Variants in GLIS3 observed in about 807,000 individuals in gnomAD.
GLIS3 encodes the protein zinc finger protein GLIS3.
GLIS3 carries 53 observed loss-of-function variants against 78.6 expected under a neutral mutation model. The observed-to-expected ratio is 0.67, with a 90% CI of 0.54 to 0.85. The LOEUF is 0.85. GLIS3 is among the 40% of genes least tolerant of loss of function. GLIS3 has a pLI of 0.00. For missense variants in GLIS3, 1,703 were observed against 1,231.1 expected (o/e 1.38, Z -5.74); for synonymous variants, 684 against 509.9 (o/e 1.34, Z -4.60).
intron 8 of GLIS3, among the ~76,000 whole-genome samples, chr9:3,860,150 C>G (rs895569438): frequency 2.6e-4 from 40 of 151,750 alleles, no homozygotes; most frequent in Admixed American, 2.6e-3. Context: ...TGGTGGGTGC[C>G]TGTAGTCACA....
At chr9:4,287,216 G>T (rs1205151469) in intron 1 of GLIS3, among the ~76,000 whole-genome samples, 2 of 152,274 alleles carry the variant, frequency 1.3e-5, no homozygotes, top group Middle Eastern at 3.4e-3. Context: ...TCCTAGAAAA[G>T]AGAAGGGCTG....
chr9:4,407,562 G>T, the GLIS3 span, among the ~76,000 whole-genome samples: 1 of 152,224 alleles, frequency 6.6e-6, no homozygotes, highest in Admixed American at 6.5e-5. Context: ...CAGGAGAATG[G>T]CGAGAACCCG....
intron 4 of GLIS3, among the ~76,000 whole-genome samples, chr9:4,063,057 AT>A (rs1826791179): frequency 6.6e-6 from 1 of 152,188 alleles, no homozygotes; most frequent in Non-Finnish European, 1.5e-5. Flanking sequence ...CACCAGATTA[AT>A]ATACAGATGG....
chr9:4,307,960 G>T (rs1817270478), intron 4 of GLIS3, among the ~76,000 whole-genome samples: 1 of 152,170 alleles, frequency 6.6e-6, no homozygotes, highest in African/African-American at 2.4e-5. Context: ...AGGGTAACTT[G>T]TGACAGCAGC....
intron 4 of GLIS3, among the ~76,000 whole-genome samples, chr9:4,035,668 C>G (rs868484717): frequency 6.6e-6 from 1 of 152,008 alleles, no homozygotes; most frequent in African/African-American, 2.4e-5. Flanking sequence ...ATAAGCTTCC[C>G]AAAGCACGGG....
At chr9:4,375,135 C>G in the GLIS3 span, among the ~76,000 whole-genome samples, 179 of 152,280 alleles carry the variant, frequency 1.2e-3, 1 homozygote, top group African/African-American at 3.9e-3. Flanking sequence ...TCATTTCCCA[C>G]TTTGCAAAAA....
At chr9:4,408,587 C>A in the GLIS3 span, among the ~76,000 whole-genome samples, 85,928 of 147,476 alleles carry the variant, frequency 0.58, 25,703 homozygotes, top group African/African-American at 0.7. Flanking sequence ...ATTAGCCGGG[C>A]GCGGTGGCGG....
chr9:4,024,006 T>C (rs1159520372), intron 4 of GLIS3, among the ~76,000 whole-genome samples: 1 of 144,322 alleles, frequency 6.9e-6, no homozygotes, highest in African/African-American at 2.6e-5. Context: ...TCATAGAGGA[T>C]AAAATTAAGA....
intron 6 of GLIS3, among the ~76,000 whole-genome samples, chr9:3,929,583 T>A: frequency 6.6e-6 from 1 of 152,064 alleles, no homozygotes; most frequent in East Asian, 1.9e-4. Context: ...ACCAAAATAA[T>A]GTCATTTAAT....
intron 4 of GLIS3, among the ~76,000 whole-genome samples, chr9:3,978,924 A>G (rs1336077206): frequency 6.6e-6 from 1 of 152,192 alleles, no homozygotes; most frequent in East Asian, 1.9e-4. Context: ...ATACAGTATA[A>G]CAACTATTTA....
chr9:4,291,946 A>G (rs1816016793), intron 1 of GLIS3, among the ~76,000 whole-genome samples: 2 of 152,190 alleles, frequency 1.3e-5, no homozygotes, highest in South Asian at 4.1e-4. Flanking sequence ...ATCAATGAGT[A>G]CAGAAAGGTC....
chr9:4,257,541 TTTGC>T (rs1158390306), intron 2 of GLIS3, among the ~76,000 whole-genome samples: 1 of 150,016 alleles, frequency 6.7e-6, no homozygotes, highest in African/African-American at 2.4e-5. Context: ...GACATGTTAA[TTTGC>T]TTGACAAATT....
chr9:4,022,363 T>TA (rs1237259436), intron 4 of GLIS3, among the ~76,000 whole-genome samples: 1 of 152,212 alleles, frequency 6.6e-6, no homozygotes, highest in Non-Finnish European at 1.5e-5. Context: ...GCATATTTTA[T>TA]AAAAGCACAT....
the GLIS3 span, among the ~76,000 whole-genome samples, chr9:4,387,961 C>A: frequency 6.6e-6 from 1 of 152,176 alleles, no homozygotes; most frequent in African/African-American, 2.4e-5. Flanking sequence ...ACAAATGATG[C>A]CCTTTTAGAA....
chr9:4,322,085 G>C (rs973352933), intron 2 of GLIS3, among the ~76,000 whole-genome samples: 3 of 152,014 alleles, frequency 2.0e-5, no homozygotes, highest in African/African-American at 4.8e-5. Context: ...GTGTCCAAGT[G>C]TTCTCATTGT....
At chr9:4,029,333 T>A (rs1361833083) in intron 4 of GLIS3, among the ~76,000 whole-genome samples, 1 of 151,664 alleles carries the variant, frequency 6.6e-6, no homozygotes, top group Non-Finnish European at 1.5e-5. Context: ...TGTTTGTGGG[T>A]TCATAGTAGG....
At position 3,828,076 on chromosome 9, in the gene GLIS3, GA is replaced by G; in HGVS notation, c.*195del. The G allele has an allele frequency of 4.7e-6, 3 of 635,172 alleles. No homozygotes were observed. Among genetic ancestry groups the G allele is most frequent in the South Asian group, 1.9e-5 (1 of 52,756 alleles). The allele number at this position is 635,172 out of a possible 1,614,324, so 39.3% of individuals were successfully genotyped here. ...TCACATAGTCCAGGAAAACCAGAGA[GA>G]AAAAGGAGCAACTGTAATGATTCCT... On this transcript the variant is annotated 3_prime_UTR_variant, in exon 11 of 11. Transcript: ENST00000381971.
At chr9:4,309,103 C>T (rs531904586) in intron 3 of GLIS3, 5 of 152,288 alleles carry the variant, frequency 3.3e-5, no homozygotes, top group African/African-American at 9.6e-5. Context: ...TAAGATAAAA[C>T]AGAATCAGCC....
intron 9 of GLIS3, among the ~76,000 whole-genome samples, chr9:3,853,377 AT>A (rs541959388): frequency 4.4e-4 from 66 of 149,964 alleles, no homozygotes; most frequent in Admixed American, 8.1e-4. Flanking sequence ...TTCATTATTC[AT>A]TTGTTGAATG....
Sources: allele counts gnomAD v4.1 joint callset (sites outside exome capture counted in the v4.1 genomes callset), GRCh38; gene constraint gnomAD v4.1.1; transcripts MANE v1.5; gene names NCBI Gene and HGNC (gene_info 2026-07-23, HGNC 2026-07-21).